ZFP1: variants seen among roughly 807,000 people sequenced by gnomAD.
ZFP1 encodes zinc finger protein 1 homolog.
Under a neutral mutation model 38.5 loss-of-function variants are expected in ZFP1, and 32 were observed. That is an observed-to-expected ratio of 0.83 (90% confidence interval 0.63 to 1.12). The LOEUF is 1.12. Among genes scored for constraint, ZFP1 ranks in the 50% most tolerant of loss-of-function variants. ZFP1 has a pLI of 0.00. For synonymous variants in ZFP1, 245 were observed against 168.8 expected (o/e 1.45, Z -3.50); for missense variants, 616 against 480.8 (o/e 1.28, Z -2.63).
At chr16:75,145,671 G>T (rs990833512), upstream of ZFP1, among the ~76,000 whole-genome samples, 6 of 152,176 alleles carry the variant, frequency 3.9e-5, no homozygotes, top group Non-Finnish European at 7.4e-5. Context: ...TAGCTGGATG[G>T]TCAGAGAGGA....
intron 1 of ZFP1, among the ~76,000 whole-genome samples, chr16:75,151,819 T>A (rs188472516): frequency 6.6e-6 from 1 of 151,898 alleles, no homozygotes; most frequent in East Asian, 1.9e-4. Context: ...TTGTCTGATA[T>A]CATATTTCTT....
At chr16:75,167,160 T>C (rs1470005478) in intron 3 of ZFP1, among the ~76,000 whole-genome samples, 1 of 152,162 alleles carries the variant, frequency 6.6e-6, no homozygotes, top group Non-Finnish European at 1.5e-5. Context: ...CCAGAAGAGT[T>C]TTGGGTAGCA....
At chr16:75,138,254 C>T in the ZFP1 span, among the ~76,000 whole-genome samples, 1 of 151,920 alleles carries the variant, frequency 6.6e-6, no homozygotes, top group Non-Finnish European at 1.5e-5. Flanking sequence ...CCAGGATGGT[C>T]TCTGTCTCTT....
intron 2 of ZFP1, among the ~76,000 whole-genome samples, chr16:75,164,999 T>C (rs2037987130): frequency 6.6e-6 from 1 of 152,054 alleles, no homozygotes; most frequent in Non-Finnish European, 1.5e-5. Context: ...GAGACGGGGT[T>C]TCTCCATTTT....
At chr16:75,136,526 C>T in the ZFP1 span, among the ~76,000 whole-genome samples, 5 of 152,134 alleles carry the variant, frequency 3.3e-5, no homozygotes, top group African/African-American at 9.7e-5. Context: ...GAATCAGTAA[C>T]AACTCATGTT....
chr16:75,155,390 T>C (rs1414527790), intron 2 of ZFP1, among the ~76,000 whole-genome samples: 2 of 152,224 alleles, frequency 1.3e-5, no homozygotes, highest in Non-Finnish European at 2.9e-5. Context: ...TCCACCTCAG[T>C]CTCCTAAAGT....
rs143326529 is a variant in ZFP1, at chr16:75,169,734, A to G, written c.624A>G (p.Gly208=). The G allele has an allele frequency of 1.6e-5, 26 of 1,613,164 alleles. No homozygotes were observed. The highest frequency in any genetic ancestry group is 2.2e-5 in the Non-Finnish European group (26 of 1,179,640). ...LLISHKRIHT[G]EKPYECNVCK... The stretch of plus-strand genomic sequence containing the variant: ...TTAGTCATAAGAGAATACATACTGG[A>G]GAAAAGCCATATGAATGCAATGTAT... The change falls in exon 4 of 4, where the codon GGA becomes GGG. Residue 208 remains glycine, a synonymous_variant. Transcript: ENST00000570010.
chr16:75,148,507 C>G (rs2036992579), upstream of ZFP1: 1 of 152,290 alleles, frequency 6.6e-6, no homozygotes, highest in Non-Finnish European at 1.5e-5. Flanking sequence ...TGCAGTGCTG[C>G]GAGCGCGCCG....
the ZFP1 span, among the ~76,000 whole-genome samples, chr16:75,137,471 T>TC: frequency 7.1e-6 from 1 of 140,118 alleles, no homozygotes; most frequent in African/African-American, 2.6e-5. Flanking sequence ...CTTTTTTTTT[T>TC]TTTTTTTTTG....
At chr16:75,142,676 G>A in the ZFP1 span, among the ~76,000 whole-genome samples, 1 of 152,110 alleles carries the variant, frequency 6.6e-6, no homozygotes, top group Non-Finnish European at 1.5e-5. Flanking sequence ...TGCAATTCTT[G>A]CTTCCCAAAT....
upstream of ZFP1, among the ~76,000 whole-genome samples, chr16:75,147,425 G>A (rs376033491): frequency 2.7e-5 from 4 of 150,810 alleles, no homozygotes; most frequent in South Asian, 4.2e-4. Flanking sequence ...CTACAGGTGC[G>A]TGCCACCATG....
At chr16:75,156,262 T>C (rs1309403320) in intron 2 of ZFP1, among the ~76,000 whole-genome samples, 2 of 152,158 alleles carry the variant, frequency 1.3e-5, no homozygotes, top group Non-Finnish European at 2.9e-5. Flanking sequence ...GAGACCAGCC[T>C]GGCCAACATG....
At chr16:75,163,293 TGTTG>T (rs1188441053) in intron 2 of ZFP1, among the ~76,000 whole-genome samples, 1 of 151,962 alleles carries the variant, frequency 6.6e-6, no homozygotes, top group African/African-American at 2.4e-5. Context: ...CAGCGTGCAT[TGTTG>T]TTTTTTTTGT....
intron 3 of ZFP1, 152 bp downstream of exon 3, chr16:75,167,048 A>C: frequency 7.2e-7 from 1 of 1,384,540 alleles, no homozygotes; most frequent in Non-Finnish European, 9.7e-7. Context: ...TTAAAGCTCT[A>C]TCATCTCCTT....
the ZFP1 span, among the ~76,000 whole-genome samples, chr16:75,129,510 C>T: frequency 6.6e-6 from 1 of 152,178 alleles, no homozygotes; most frequent in African/African-American, 2.4e-5. Flanking sequence ...GAGATAAATG[C>T]GTATCCTTTT....
upstream of ZFP1, chr16:75,148,389 T>A (rs1043579777): frequency 5.3e-5 from 8 of 152,098 alleles, 1 homozygote; most frequent in East Asian, 1.9e-4. Flanking sequence ...TTCCTGAGAG[T>A]CCCTAAAGCC....
In ZFP1 at chr16:75,172,037, CAAAAA is replaced by C. The variant is rs898088235; in HGVS notation, c.*1707_*1711del. On this transcript the variant is annotated 3_prime_UTR_variant, in exon 4 of 4. Transcript: ENST00000570010. ...TTTTGGTAAGGACCAAAAAAACAAA[CAAAAA>C]AAAGACCATCAGTAAGGGAATGGAT... 1.3e-5 allele frequency: 2 copies of C among 151,226 alleles called. No individual in the cohort carries two copies. 9.4% of individuals were successfully genotyped at this position (151,226 alleles called of 1,614,324 possible).
chr16:75,163,200 C>A (rs2037876214), intron 2 of ZFP1, among the ~76,000 whole-genome samples: 2 of 152,224 alleles, frequency 1.3e-5, no homozygotes, highest in African/African-American at 4.8e-5. Flanking sequence ...AGCCATTGCG[C>A]CCGGCCAATG....
chr16:75,133,782 C>T, the ZFP1 span, among the ~76,000 whole-genome samples: 163 of 152,364 alleles, frequency 1.1e-3, no homozygotes, highest in Non-Finnish European at 2.0e-3. Flanking sequence ...GGCATGGTAA[C>T]TCACGCCTGT....
Sources: allele counts gnomAD v4.1 joint callset (sites outside exome capture counted in the v4.1 genomes callset), GRCh38; gene constraint gnomAD v4.1.1; transcripts MANE v1.5; gene names NCBI Gene and HGNC (gene_info 2026-07-23, HGNC 2026-07-21).